Variants in GABRA2 observed in about 807,000 individuals in gnomAD.
GABRA2 encodes the protein gamma-aminobutyric acid type A receptor subunit alpha2, also known as gamma-aminobutyric acid receptor subunit alpha-2.
Under a neutral mutation model 48.7 loss-of-function variants are expected in GABRA2, and 16 were observed. That is an observed-to-expected ratio of 0.33 (90% CI 0.22 to 0.50). The LOEUF is 0.50. Ranked by LOEUF, GABRA2 falls within the 20% of genes least tolerant of loss-of-function variation. The pLI, the probability that GABRA2 is intolerant of heterozygous loss-of-function variation, is 0.98. For synonymous variants in GABRA2, 185 were observed against 184.5 expected (o/e 1.00, Z -0.02); for missense variants, 275 against 535.6 (o/e 0.51, Z 4.80).
At chr4:46,354,462 T>A (rs956995453) in intron 3 of GABRA2, among the ~76,000 whole-genome samples, 7 of 152,150 alleles carry the variant, frequency 4.6e-5, no homozygotes, top group Non-Finnish European at 8.8e-5. Context: ...GCTCATAATA[T>A]CTATAGAAAA....
At chr4:46,340,305 C>A (rs1250169615) in intron 3 of GABRA2, among the ~76,000 whole-genome samples, 1 of 151,814 alleles carries the variant, frequency 6.6e-6, no homozygotes, top group Non-Finnish European at 1.5e-5. Context: ...CAAAGTTATA[C>A]CACATTACTC....
At chr4:46,259,304 G>A (rs904201810) in intron 9 of GABRA2, among the ~76,000 whole-genome samples, 2 of 151,766 alleles carry the variant, frequency 1.3e-5, no homozygotes, top group Non-Finnish European at 2.9e-5. Flanking sequence ...TAACAATTCA[G>A]AGTTTGATAA....
rs1284493121 is a variant in GABRA2 at position 46,330,585 on chromosome 4, T to TAGAGAGAGAGAG, written c.255+2029_255+2030insCTCTCTCTCTCT. On this transcript the variant is annotated intron_variant, in intron 4 of 9. Coordinates refer to ENST00000381620, the MANE Select transcript of GABRA2 (RefSeq NM_000807.4). ...ATGCATATATATATATATATATATA[T>TAGAGAGAGAGAG]ATATATAGAGAGAGAGAGAGAGAGA... is the stretch of plus-strand genomic sequence containing the variant. Among the ~76,000 whole-genome samples the TAGAGAGAGAGAG allele has an allele frequency of 4.6e-4, 54 of 117,660 alleles. No homozygotes were observed. In the East Asian group the frequency reaches 7.2e-3, roughly 16 times the overall value. 77.2% of individuals were successfully genotyped at this position (117,660 alleles called of 152,430 possible). A position where few individuals can be genotyped will look rare whatever the true frequency, so the allele number is the denominator to read the frequency against.
At position 46,305,596 on chromosome 4, in the gene GABRA2, G is replaced by C; in HGVS notation, c.675C>G (p.Ile225Met). 2 of 1,613,662 alleles carry C rather than the reference G, an allele frequency of 1.2e-6. No homozygotes were observed. Among genetic ancestry groups the C allele is most frequent in the Non-Finnish European group, 1.7e-6 (2 of 1,179,832 alleles). Reference sequence around the variant, plus strand: ...TACTGGATTTAATTGTCTCCTTTCCGATTGATTGGCCCAGCAGGTCATATT... The same window carrying C: ...TACTGGATTTAATTGTCTCCTTTCCCATTGATTGGCCCAGCAGGTCATATT... ...LNQYDLLGQS[I>M]GKETIKSSTG... The change falls in exon 7 of 10, where the codon ATC becomes ATG. Residue 225 changes from isoleucine (I) to methionine (M), a missense_variant. Physicochemically the swap from Ile to Met is conservative, Grantham distance 10 (BLOSUM62 1). This residue lies in a region of GABRA2 where 113 missense variants were observed against 257.1 expected (regional missense o/e 0.44). Coordinates refer to ENST00000381620, the MANE Select transcript of GABRA2 (RefSeq NM_000807.4).
At chr4:46,296,132 G>T (rs866641742) in intron 8 of GABRA2, among the ~76,000 whole-genome samples, 2 of 152,252 alleles carry the variant, frequency 1.3e-5, no homozygotes, top group South Asian at 4.1e-4. Flanking sequence ...CCAGAAGGCC[G>T]TGTATGCTCT....
At chr4:46,285,760 A>C (rs1184974461) in intron 8 of GABRA2, among the ~76,000 whole-genome samples, 3 of 151,912 alleles carry the variant, frequency 2.0e-5, no homozygotes, top group Non-Finnish European at 4.4e-5. Flanking sequence ...GAAAATCATG[A>C]AATCTTGTTT....
At chr4:46,262,313 A>G (rs991217996) in intron 8 of GABRA2, among the ~76,000 whole-genome samples, 185 bp from the exon 9 acceptor site, 2 of 152,060 alleles carry the variant, frequency 1.3e-5, no homozygotes, top group Non-Finnish European at 2.9e-5. Flanking sequence ...TTAAATGGTT[A>G]TGATATTTCG....
At chr4:46,310,037 T>C in intron 6 of GABRA2, 136 bp downstream of exon 6, 1 of 603,064 alleles carries the variant, frequency 1.7e-6, no homozygotes, top group South Asian at 2.4e-5. Flanking sequence ...ACAATTAGCA[T>C]GGCTTTTACT....
At chr4:46,373,380 A>T (rs986873920) in intron 3 of GABRA2, among the ~76,000 whole-genome samples, 1 of 152,198 alleles carries the variant, frequency 6.6e-6, no homozygotes, top group African/African-American at 2.4e-5. Context: ...AAGGAATGAA[A>T]GTTGAAATGA....
chr4:46,376,575 C>T (rs1242812561), intron 3 of GABRA2, among the ~76,000 whole-genome samples: 1 of 152,086 alleles, frequency 6.6e-6, no homozygotes, highest in African/African-American at 2.4e-5. Context: ...AAACAAAACA[C>T]TAGTATTAGT....
intron 6 of GABRA2, among the ~76,000 whole-genome samples, chr4:46,309,118 G>C (rs1208337897): frequency 2.6e-5 from 4 of 152,068 alleles, no homozygotes; most frequent in Non-Finnish European, 5.9e-5. Context: ...AGCCTTTGTA[G>C]TTAAATAAAG....
intron 3 of GABRA2, among the ~76,000 whole-genome samples, chr4:46,373,632 A>G (rs1460777126): frequency 6.6e-6 from 1 of 152,128 alleles, no homozygotes; most frequent in Non-Finnish European, 1.5e-5. Flanking sequence ...AAACTACTCA[A>G]AATGATAAAA....
intron 3 of GABRA2, among the ~76,000 whole-genome samples, chr4:46,351,083 A>T (rs1022016352): frequency 6.6e-6 from 1 of 151,442 alleles, no homozygotes; most frequent in Non-Finnish European, 1.5e-5. Context: ...TATCACTTCA[A>T]CTCATTTTAT....
intron 6 of GABRA2, among the ~76,000 whole-genome samples, chr4:46,306,934 C>T (rs1213107486): frequency 1.3e-5 from 2 of 152,072 alleles, no homozygotes; most frequent in Non-Finnish European, 2.9e-5. Flanking sequence ...ACATACCTGG[C>T]ATTGTCTAAC....
At position 46,246,053 on chromosome 4, in the gene GABRA2, T is replaced by C. The variant is rs532116040; in HGVS notation, c.*4255A>G. 2.0e-5 allele frequency among the ~76,000 whole-genome samples: 3 copies of C among 151,262 alleles called. No individual in the cohort carries two copies. The Admixed American group carries it at 2.0e-4, about 10-fold the overall frequency. ...ATATTGAATAATTTACCTTCCCAAA[T>C]GACTTTCACATGAACTTTCTCTACT... On this transcript the variant is annotated 3_prime_UTR_variant, in exon 10 of 10. Transcript: ENST00000381620.
At chr4:46,289,885 T>A in intron 8 of GABRA2, among the ~76,000 whole-genome samples, 1 of 115,576 alleles carries the variant, frequency 8.7e-6, no homozygotes, top group East Asian at 2.8e-4. Context: ...TTTATTTTAT[T>A]TATTTATTTA....
intron 3 of GABRA2, among the ~76,000 whole-genome samples, chr4:46,372,221 A>G (rs935549250): frequency 6.6e-6 from 1 of 152,162 alleles, no homozygotes; most frequent in Non-Finnish European, 1.5e-5. Flanking sequence ...AATAAATCCA[A>G]TTTTATTTAG....
At position 46,255,955 on chromosome 4, in the gene GABRA2, G is replaced by A. The variant is rs1434931735; in HGVS notation, c.1060-5351C>T. 2.0e-5 allele frequency among the ~76,000 whole-genome samples: 3 copies of A among 151,454 alleles called. No homozygotes were observed. In the East Asian group the frequency reaches 5.8e-4, roughly 30 times the overall value. ...GGAGTCAGAAAGAATCTTAGGGACTGTTCCTTACAGTAAAGAAATGGGGCT... is the reference window on the plus strand; with the variant it reads ...GGAGTCAGAAAGAATCTTAGGGACTATTCCTTACAGTAAAGAAATGGGGCT... On this transcript the variant is annotated intron_variant, in intron 9 of 9. Coordinates refer to ENST00000381620, the MANE Select transcript of GABRA2 (RefSeq NM_000807.4).
intron 3 of GABRA2, among the ~76,000 whole-genome samples, chr4:46,348,717 T>C (rs1042823527): frequency 5.9e-5 from 8 of 135,616 alleles, no homozygotes; most frequent in South Asian, 2.3e-4. Flanking sequence ...TAGGTGGGAA[T>C]TGAACAATGA....
Sources: gnomAD v4.1 joint callset for allele counts (sites outside exome capture counted in the v4.1 genomes callset) on GRCh38, gnomAD v4.1.1 for gene constraint, gnomAD v4.1.1 regional missense constraint, MANE v1.5 for transcripts, NCBI Gene and HGNC (gene_info 2026-07-23, HGNC 2026-07-21) for gene names.